Variants in CFAP20DC observed in about 807,000 individuals in gnomAD.
CFAP20DC encodes CFAP20 domain containing.
In CFAP20DC, 84 loss-of-function variants were observed where a neutral mutation model predicts 101.7. The ratio of observed to expected loss-of-function variants is 0.83; its 90% confidence interval spans 0.69 to 0.99. The LOEUF is 0.99. Ranked by LOEUF, CFAP20DC falls within the 50% of genes least tolerant of loss-of-function variation. The pLI is 0.00. For missense variants in CFAP20DC, 1,007 were observed against 970.3 expected (o/e 1.04, Z -0.50); for synonymous variants, 359 against 351.2 (o/e 1.02, Z -0.25).
At chr3:59,041,763 T>C (rs971670178) in intron 3 of CFAP20DC, among the ~76,000 whole-genome samples, 3 of 152,178 alleles carry the variant, frequency 2.0e-5, no homozygotes, top group Non-Finnish European at 2.9e-5. Flanking sequence ...TATCTGTTCA[T>C]CATGGGCTAT....
intron 14 of CFAP20DC, among the ~76,000 whole-genome samples, chr3:58,814,757 A>G (rs2074976566): frequency 6.6e-6 from 1 of 150,926 alleles, no homozygotes; most frequent in Non-Finnish European, 1.5e-5. Flanking sequence ...CCCATTCACA[A>G]TTGCTTCAAA....
chr3:58,818,148 C>T (rs1400892869), intron 14 of CFAP20DC, among the ~76,000 whole-genome samples: 1 of 151,314 alleles, frequency 6.6e-6, no homozygotes, highest in East Asian at 2.0e-4. Flanking sequence ...AAGCGCTAAA[C>T]ATGGAAAGGA....
At chr3:59,017,527 T>A (rs577294070) in intron 4 of CFAP20DC, 4 of 152,262 alleles carry the variant, frequency 2.6e-5, no homozygotes, top group African/African-American at 9.6e-5. Context: ...GATATTGTAA[T>A]CTTTAGTGAC....
chr3:58,981,088 A>G (rs1162696397), intron 4 of CFAP20DC, among the ~76,000 whole-genome samples: 4 of 152,194 alleles, frequency 2.6e-5, no homozygotes, highest in Admixed American at 2.0e-4. Context: ...CCAAATCATG[A>G]GTGAACTCCC....
intron 4 of CFAP20DC, among the ~76,000 whole-genome samples, chr3:58,972,432 G>A (rs1255864575): frequency 6.6e-6 from 1 of 152,160 alleles, no homozygotes; most frequent in Non-Finnish European, 1.5e-5. Context: ...ATCATTTGTA[G>A]AGGACCTGAA....
At chr3:58,963,542 C>T (rs2091318502) in intron 4 of CFAP20DC, among the ~76,000 whole-genome samples, 1 of 151,938 alleles carries the variant, frequency 6.6e-6, no homozygotes, top group Admixed American at 6.6e-5. Flanking sequence ...AGATAATAAA[C>T]TAAAAATGAT....
intron 3 of CFAP20DC, chr3:58,734,591 C>T (rs1385177416): frequency 2.2e-6 from 1 of 456,450 alleles, no homozygotes; most frequent in Non-Finnish European, 4.4e-6. Context: ...CAAACTCAGT[C>T]TCACTTCACA....
intron 4 of CFAP20DC, among the ~76,000 whole-genome samples, chr3:58,938,463 T>A (rs1303064509): frequency 1.3e-5 from 2 of 152,140 alleles, no homozygotes; most frequent in African/African-American, 4.8e-5. Context: ...AGGCTTAAAA[T>A]CTCCAAACCT....
At chr3:58,943,431 G>A (rs1435842691) in intron 4 of CFAP20DC, among the ~76,000 whole-genome samples, 1 of 152,192 alleles carries the variant, frequency 6.6e-6, no homozygotes, top group Non-Finnish European at 1.5e-5. Flanking sequence ...CAGGGAAAGA[G>A]GGTCTGGAGT....
intron 4 of CFAP20DC, among the ~76,000 whole-genome samples, chr3:58,982,837 C>T (rs962031650): frequency 2.6e-5 from 4 of 151,668 alleles, no homozygotes; most frequent in African/African-American, 9.7e-5. Context: ...TGCACATGTA[C>T]CCTAAAAATT....
chr3:59,031,129 A>G (rs182521671), intron 4 of CFAP20DC, among the ~76,000 whole-genome samples: 146 of 152,248 alleles, frequency 9.6e-4, no homozygotes, highest in African/African-American at 3.4e-3. Context: ...GCCAGCTTTA[A>G]GTTTTTTTAA....
chr3:58,917,079 A>G (rs1223701056), intron 5 of CFAP20DC, among the ~76,000 whole-genome samples: 1 of 152,212 alleles, frequency 6.6e-6, no homozygotes, highest in Non-Finnish European at 1.5e-5. Flanking sequence ...AGTATGTACC[A>G]GAAAGACAGA....
chr3:58,817,728 C>A (rs1489409354), intron 14 of CFAP20DC, among the ~76,000 whole-genome samples: 1 of 142,782 alleles, frequency 7.0e-6, no homozygotes, highest in South Asian at 2.3e-4. Flanking sequence ...AGGATATTAT[C>A]CAGGAGAACT....
chr3:58,949,390 A>T (rs1184122150), intron 4 of CFAP20DC, among the ~76,000 whole-genome samples: 1 of 152,046 alleles, frequency 6.6e-6, no homozygotes, highest in African/African-American at 2.4e-5. Flanking sequence ...TGTCAATTTT[A>T]GATCTTTCCT....
intron 4 of CFAP20DC, among the ~76,000 whole-genome samples, chr3:58,952,606 C>A (rs1439479895): frequency 6.6e-6 from 1 of 152,020 alleles, no homozygotes; most frequent in East Asian, 1.9e-4. Context: ...CTATCAATGT[C>A]CCAACCTCCT....
At chr3:58,738,946 C>A (rs1021089786), downstream of CFAP20DC, among the ~76,000 whole-genome samples, 2 of 152,102 alleles carry the variant, frequency 1.3e-5, no homozygotes, top group Admixed American at 1.3e-4. This position sits in a 1 kb window ranked among gnomAD's most constrained non-coding sequence, Gnocchi z 4.4. Context: ...TAAATTAATT[C>A]TTTCAATTAA....
At chr3:58,977,370 T>A (rs767632848) in intron 4 of CFAP20DC, among the ~76,000 whole-genome samples, 1 of 152,200 alleles carries the variant, frequency 6.6e-6, no homozygotes, top group East Asian at 1.9e-4. Flanking sequence ...AAGTCACATG[T>A]GGATGTGCGA....
intron 3 of CFAP20DC, among the ~76,000 whole-genome samples, chr3:59,042,745 A>AAGT (rs1345323838): frequency 6.6e-6 from 1 of 152,168 alleles, no homozygotes; most frequent in Non-Finnish European, 1.5e-5. Context: ...TACAGAGGCC[A>AAGT]AGTCAGAAAC....
intron 4 of CFAP20DC, among the ~76,000 whole-genome samples, chr3:58,981,953 G>C (rs1028900106): frequency 4.6e-5 from 7 of 151,940 alleles, no homozygotes; most frequent in African/African-American, 1.7e-4. Context: ...TTCGCAACCT[G>C]CTCATCTGAC....
Sources: gnomAD v4.1 joint callset for allele counts (sites outside exome capture counted in the v4.1 genomes callset) on GRCh38, gnomAD v4.1.1 for gene constraint, Gnocchi (gnomAD v3.1) non-coding constraint, MANE v1.5 for transcripts, NCBI Gene and HGNC (gene_info 2026-07-23, HGNC 2026-07-21) for gene names.